Variants in SCUBE1 observed in about 807,000 individuals in gnomAD.
SCUBE1 encodes signal peptide, CUB domain and EGF like domain containing 1, also known as signal peptide, CUB and EGF-like domain-containing protein 1.
SCUBE1 carries 59 observed loss-of-function variants against 124.4 expected under a neutral mutation model. That is an observed-to-expected ratio of 0.47 (90% CI 0.38 to 0.59). SCUBE1 has a LOEUF of 0.59. SCUBE1 is among the 20% of genes least tolerant of loss of function. The pLI is 0.00. For missense variants in SCUBE1, 1,150 were observed against 1,371.2 expected, an observed-to-expected ratio of 0.84 and a Z score of 2.55; for synonymous variants, 545 against 550.9, an observed-to-expected ratio of 0.99 and a Z score of 0.15.
Position 43,232,054 on chromosome 22 carries a change from G to A in SCUBE1, c.845-179C>T. The stretch of plus-strand genomic sequence containing the variant: ...AGGGGTGGGGGCCCTGTCTCGCAGG[G>A]GTCAGGGTCGGGGCTGGGTTGTACT... On this transcript the variant is annotated intron_variant, in intron 7 of 21. Transcript: ENST00000360835. 4.6e-6 allele frequency: 3 copies of A among 647,430 alleles called. No individual in the cohort carries two copies. The East Asian group carries it at 8.4e-5, about 18-fold the overall frequency. The allele number at this position is 647,430 out of a possible 1,614,324, so 40.1% of individuals were successfully genotyped here.
In SCUBE1 at chr22:43,198,458, C is replaced by T; in HGVS notation, c.*5539G>A. On this transcript the variant is annotated 3_prime_UTR_variant, in exon 22 of 22. Transcript: ENST00000360835. The stretch of plus-strand genomic sequence containing the variant: ...GGGATCAGGCCAACCCCAGCTCTGC[C>T]TGCCCAGGACTTACTCCTGGAAGGG... 2.3e-6 allele frequency: 1 copy of T among 427,564 alleles called. No homozygotes were observed. The highest frequency in any genetic ancestry group is 1.7e-5 in the South Asian group (1 of 59,066). The allele number at this position is 427,564 out of a possible 1,614,324, so 26.5% of individuals were successfully genotyped here.
Position 43,343,207 on chromosome 22 carries a change from G to T in SCUBE1, c.55C>A (p.Arg19Ser). The stretch of plus-strand genomic sequence containing the variant: ...CCGCTGCCCCCGGCCAGCCGCCCGC[G>T]TGTGCCCAGGGCCAGCAGCACGCAC... ...HLCVLLALGT[R>S]GRLAGGSGLP... Residue 19 changes from arginine (R) to serine (S), a missense_variant, in exon 1 of 22, where the codon CGC (arginine) becomes AGC (serine). Physicochemically the swap from Arg to Ser is moderately radical, Grantham distance 110. Around this residue, in one of 3 missense-constraint regions of SCUBE1, gnomAD observed 56 missense variants for 48.1 expected, o/e 1.16. Transcript: ENST00000360835. 1.7e-6 allele frequency: 2 copies of T among 1,207,478 alleles called. No individual in the cohort carries two copies. The highest frequency in any genetic ancestry group is 3.8e-5 in the Admixed American group (1 of 26,374). 74.8% of individuals were successfully genotyped at this position (1,207,478 alleles called of 1,614,324 possible). A position where few individuals can be genotyped will look rare whatever the true frequency, so the allele number is the denominator to read the frequency against.
chr22:43,307,411 A>G (rs1233691199), intron 3 of SCUBE1, among the ~76,000 whole-genome samples: 1 of 152,252 alleles, frequency 6.6e-6, no homozygotes, highest in Non-Finnish European at 1.5e-5. Flanking sequence ...ATGGAGAGGA[A>G]AAGTGTTCGC....
Position 43,222,700 on chromosome 22 carries a change from G to C in SCUBE1, c.1370C>G (p.Pro457Arg). 1 of 1,606,946 alleles carries C rather than the reference G, an allele frequency of 6.2e-7. No individual in the cohort carries two copies. Residue 457 changes from proline to arginine, a missense_variant, in exon 12 of 22, where the codon CCG becomes CGG. Around this residue, in one of 3 missense-constraint regions of SCUBE1, gnomAD observed 757 missense variants for 840.9 expected, o/e 0.90. Transcript: ENST00000360835. Reference protein sequence around the residue: ...SYVLSCGVPGPQGKALQKRNG... With the variant: ...SYVLSCGVPGRQGKALQKRNG... ...GCGTTTCTGCAGCGCCTTGCCCTGCGGCCCTGGAACTCCGCAGCTCAGGAC... is the reference window on the plus strand; with the variant it reads ...GCGTTTCTGCAGCGCCTTGCCCTGCCGCCCTGGAACTCCGCAGCTCAGGAC...
At chr22:43,328,796 G>C (rs1926810867) in intron 2 of SCUBE1, among the ~76,000 whole-genome samples, 1 of 152,140 alleles carries the variant, frequency 6.6e-6, no homozygotes, top group African/African-American at 2.4e-5. Context: ...AATAACAGCA[G>C]TGGCAACTCC....
At chr22:43,277,956 T>G (rs1924600411) in intron 4 of SCUBE1, among the ~76,000 whole-genome samples, 1 of 152,258 alleles carries the variant, frequency 6.6e-6, no homozygotes, top group Admixed American at 6.5e-5. Context: ...CACCCACAAC[T>G]CTGGGAGATT....
At position 43,210,244 on chromosome 22, in the gene SCUBE1, T is replaced by G. The variant is rs759709074; in HGVS notation, c.2384-4A>C. 1.3e-6 allele frequency: 2 copies of G among 1,519,426 alleles called. No homozygotes were observed. Among genetic ancestry groups the G allele is most frequent in the Non-Finnish European group, 1.8e-6 (2 of 1,136,080 alleles). 94.1% of individuals were successfully genotyped at this position (1,519,426 alleles called of 1,614,324 possible). On this transcript the variant is annotated splice_region_variant and splice_polypyrimidine_tract_variant and intron_variant, in intron 18 of 21. Coordinates refer to ENST00000360835, the MANE Select transcript of SCUBE1 (RefSeq NM_173050.5). The surrounding 1 kb of genome is among the most constrained non-coding windows in gnomAD (Gnocchi z 4.5). Reference sequence around the variant, plus strand: ...AGCTCGCCGCCGCAGTGCTGGTCTGTGGGCACAGTGGCCCGAGGGCCTCAT... The same window carrying G: ...AGCTCGCCGCCGCAGTGCTGGTCTGGGGGCACAGTGGCCCGAGGGCCTCAT...
At chr22:43,283,602 G>C (rs749111338) in intron 4 of SCUBE1, 1 of 152,084 alleles carries the variant, frequency 6.6e-6, no homozygotes, top group Non-Finnish European at 1.5e-5. Context: ...AACTAAATGC[G>C]AACTATTGAC....
intron 6 of SCUBE1, among the ~76,000 whole-genome samples, chr22:43,244,773 T>C (rs1923140590): frequency 6.6e-6 from 1 of 152,240 alleles, no homozygotes; most frequent in Non-Finnish European, 1.5e-5. Flanking sequence ...GGGCAGAGGC[T>C]CTGATCCGGT....
intron 6 of SCUBE1, among the ~76,000 whole-genome samples, chr22:43,257,051 G>A (rs909991514): frequency 5.8e-4 from 89 of 152,232 alleles, no homozygotes; most frequent in Non-Finnish European, 2.5e-4. Context: ...ATAAAAAATG[G>A]TTGTCTGAAA....
rs1433862739 is a variant in SCUBE1 at position 43,201,745 on chromosome 22, G to A, written c.*2252C>T. The A allele has an allele frequency of 6.6e-6, 1 of 152,226 alleles. No homozygotes were observed. Among genetic ancestry groups the A allele is most frequent in the Admixed American group, 6.5e-5 (1 of 15,274 alleles). 9.4% of individuals were successfully genotyped at this position (152,226 alleles called of 1,614,324 possible). ...ACTTGTTGGCCTCCAGAATCTGTGA[G>A]CCAGTTCCCATAATGCAGCCCCTCA... On this transcript the variant is annotated 3_prime_UTR_variant, in exon 22 of 22. Coordinates refer to ENST00000360835, the MANE Select transcript of SCUBE1 (RefSeq NM_173050.5).
chr22:43,211,285 C>A lies in SCUBE1; in HGVS notation c.2222-202G>T, dbSNP rs1416563739. 6.6e-6 allele frequency among the ~76,000 whole-genome samples: 1 copy of A among 152,180 alleles called. No homozygotes were observed. Among genetic ancestry groups the A allele is most frequent in the East Asian group, 1.9e-4 (1 of 5,188 alleles). On this transcript the variant is annotated intron_variant, in intron 17 of 21. Transcript: ENST00000360835. This position sits in a 1 kb window ranked among gnomAD's most constrained non-coding sequence, Gnocchi z 4.5. ...AGCCCTTGGCGTGGGGGTCACATGG[C>A]AGATTGATGTGATGTTGGCTCCAGC...
intron 21 of SCUBE1, among the ~76,000 whole-genome samples, chr22:43,205,617 C>G (rs924650506): frequency 5.0e-5 from 7 of 140,212 alleles, no homozygotes; most frequent in African/African-American, 1.9e-4. Context: ...ACCCACCACA[C>G]CCCATACCAT....
At position 43,220,550 on chromosome 22, in the gene SCUBE1, G is replaced by T. The variant is rs1378252080; in HGVS notation, c.1587C>A (p.Asp529Glu). The T allele has an allele frequency of 1.2e-6, 2 of 1,614,072 alleles. No individual in the cohort carries two copies. The highest frequency in any genetic ancestry group is 1.3e-5 in the African/African-American group (1 of 75,050). Reference sequence around the variant, plus strand: ...GGCCACGGCGCCTCTTCTTGGAGGAGTCACACTTGAGGGTCACGAAAGTCA... The same window carrying T: ...GGCCACGGCGCCTCTTCTTGGAGGATTCACACTTGAGGGTCACGAAAGTCA... The part of the protein sequence containing the change: ...CHVTFVTLKC[D>E]SSKKRRRGRK... The change falls in exon 14 of 22, where the codon GAC (aspartate) becomes GAA (glutamate). Residue 529 changes from aspartate (D) to glutamate (E), a missense_variant. Asp to Glu is a conservative substitution (Grantham distance 45). Transcript: ENST00000360835.
chr22:43,213,511 T>C (rs1466978407), intron 16 of SCUBE1: 1 of 152,220 alleles, frequency 6.6e-6, no homozygotes, highest in Non-Finnish European at 1.5e-5. Flanking sequence ...GAAAGGCTCA[T>C]GGGGAGACTG....
intron 2 of SCUBE1, among the ~76,000 whole-genome samples, chr22:43,332,154 G>A (rs1926923325): frequency 1.3e-5 from 2 of 152,134 alleles, no homozygotes; most frequent in Admixed American, 1.3e-4. Context: ...TGGGCATGGT[G>A]GTGCGCACCT....
intron 4 of SCUBE1, among the ~76,000 whole-genome samples, chr22:43,270,764 C>T (rs1026337170): frequency 6.6e-6 from 1 of 152,214 alleles, no homozygotes; most frequent in African/African-American, 2.4e-5. Flanking sequence ...GAAGACCTGC[C>T]CTTCTCCAGC....
At chr22:43,260,015 A>G (rs1923813709) in intron 5 of SCUBE1, among the ~76,000 whole-genome samples, 1 of 152,216 alleles carries the variant, frequency 6.6e-6, no homozygotes, top group Non-Finnish European at 1.5e-5. Context: ...GGGAGGCTGC[A>G]GCTCTGTGCA....
At chr22:43,310,693 T>C (rs1926139587) in intron 3 of SCUBE1, among the ~76,000 whole-genome samples, 1 of 152,262 alleles carries the variant, frequency 6.6e-6, no homozygotes, top group African/African-American at 2.4e-5. Context: ...TTTTTAAAAA[T>C]TTAATTTTAC....
Sources: allele counts gnomAD v4.1 joint callset (sites outside exome capture counted in the v4.1 genomes callset), GRCh38; gene constraint gnomAD v4.1.1; regional missense constraint gnomAD v4.1.1; non-coding constraint Gnocchi (gnomAD v3.1); transcripts MANE v1.5; gene names NCBI Gene and HGNC (gene_info 2026-07-23, HGNC 2026-07-21).